PCDHGB4: variants seen among roughly 807,000 people sequenced by gnomAD.
PCDHGB4 encodes the protein protocadherin gamma subfamily B, 4, also known as protocadherin gamma-B4.
In PCDHGB4, 38 loss-of-function variants were observed where a neutral mutation model predicts 60.5. The ratio of observed to expected loss-of-function variants is 0.63; its 90% CI spans 0.48 to 0.82. The LOEUF (loss-of-function observed/expected upper bound fraction) is 0.82, where lower values mean the gene tolerates loss of function less well. Ranked by LOEUF, PCDHGB4 falls within the 40% of genes least tolerant of loss-of-function variation. The pLI, the probability that PCDHGB4 is intolerant of heterozygous loss-of-function variation, is 0.00. For missense variants in PCDHGB4, 1,109 were observed against 1,209.6 expected (o/e 0.92, Z 1.23); for synonymous variants, 456 against 509.7 (o/e 0.89, Z 1.42).
At position 141,505,504 on chromosome 5, in the gene PCDHGB4, T is replaced by C. The variant is rs756583857; in HGVS notation, c.2545+23T>C. The C allele has an allele frequency of 9.3e-6, 15 of 1,614,020 alleles. No individual in the cohort carries two copies. The African/African-American group carries it at 1.2e-4, about 13-fold the overall frequency. ...GTGGTAAGTGGTGTCAGTGTGTGTA[T>C]GGAAGAGTGGGAGACCTGGGGTTCT... On this transcript the variant is annotated intron_variant, in intron 3 of 3. Transcript: ENST00000519479.
intron 1 of PCDHGB4, chr5:141,393,857 C>G (rs753457502): frequency 6.8e-6 from 11 of 1,613,978 alleles, no homozygotes; most frequent in Non-Finnish European, 9.3e-6. Flanking sequence ...CAGAAGTGAT[C>G]ATTACGTCTT....
intron 1 of PCDHGB4, among the ~76,000 whole-genome samples, chr5:141,443,560 G>A (rs2098394386): frequency 6.6e-6 from 1 of 152,162 alleles, no homozygotes; most frequent in Non-Finnish European, 1.5e-5. Context: ...CAATTCAAAT[G>A]CTTTAAATGG....
rs60063068 is a variant in PCDHGB4, at chr5:141,477,262, C to T, written c.2398-17545C>T. The T allele has an allele frequency of 1.9e-4, 313 of 1,614,138 alleles. No individual in the cohort carries two copies. In the African/African-American group the frequency reaches 3.7e-3, roughly 19 times the overall value. On this transcript the variant is annotated intron_variant, in intron 1 of 3. Coordinates refer to ENST00000519479, the MANE Select transcript of PCDHGB4 (RefSeq NM_003736.4). This position sits in a 1 kb window ranked among gnomAD's most constrained non-coding sequence, Gnocchi z 4.9. ...TCAGTGTGACTGACCTGGATGCTGG[C>T]GAGAACGGGCTGGTGACCTGCGAAG...
chr5:141,419,870 G>C, intron 1 of PCDHGB4: 1 of 1,614,054 alleles, frequency 6.2e-7, no homozygotes, highest in Non-Finnish European at 8.5e-7. Context: ...CTTGCAAGAG[G>C]TACTGCCGGA....
At position 141,393,626 on chromosome 5, in the gene PCDHGB4, G is replaced by C. The variant is rs2092811511; in HGVS notation, c.2397+3345G>C. ...CTGTAACAGCCAGCGACCCGGATGA[G>C]GGAATCAACGGAAAAGTGGCATACA... On this transcript the variant is annotated intron_variant, in intron 1 of 3. Coordinates refer to ENST00000519479, the MANE Select transcript of PCDHGB4 (RefSeq NM_003736.4). 10 of 1,613,922 alleles carry C rather than the reference G, an allele frequency of 6.2e-6. No individual in the cohort carries two copies. The highest frequency in any genetic ancestry group is 8.5e-6 in the Non-Finnish European group (10 of 1,179,904).
chr5:141,495,107 A>G (rs559621284), intron 2 of PCDHGB4, among the ~76,000 whole-genome samples: 1 of 152,166 alleles, frequency 6.6e-6, no homozygotes, highest in East Asian at 1.9e-4. Flanking sequence ...CACGACCGGC[A>G]CCTTTTCCTA....
chr5:141,502,524 C>T (rs959562458), intron 2 of PCDHGB4, among the ~76,000 whole-genome samples: 3 of 151,910 alleles, frequency 2.0e-5, no homozygotes, highest in East Asian at 1.9e-4. Flanking sequence ...TCAGTGATGC[C>T]GAGTTTGTTC....
chr5:141,438,811 G>T (rs2098067148), intron 1 of PCDHGB4, among the ~76,000 whole-genome samples: 1 of 149,790 alleles, frequency 6.7e-6, no homozygotes, highest in East Asian at 2.0e-4. Context: ...ACAGGCGCCT[G>T]TCACCATGCC....
rs758578821 is a variant in PCDHGB4 at position 141,486,659 on chromosome 5, G to C, written c.2398-8148G>C. The C allele has an allele frequency of 6.8e-6, 11 of 1,613,944 alleles. No individual in the cohort carries two copies. The highest frequency in any genetic ancestry group is 8.5e-6 in the Non-Finnish European group (10 of 1,180,026). On this transcript the variant is annotated intron_variant, in intron 1 of 3. Coordinates refer to ENST00000519479, the MANE Select transcript of PCDHGB4 (RefSeq NM_003736.4). The surrounding 1 kb of genome is among the most constrained non-coding windows in gnomAD (Gnocchi z 5.0). ...TGCGCTTATCTCCTACTCACTCCTGGAGCCCAGGAATCGAGATGTATCAGC... is the reference window on the plus strand; with the variant it reads ...TGCGCTTATCTCCTACTCACTCCTGCAGCCCAGGAATCGAGATGTATCAGC...
intron 1 of PCDHGB4, chr5:141,399,842 A>T (rs749737928): frequency 6.2e-7 from 1 of 1,612,970 alleles, no homozygotes; most frequent in South Asian, 1.1e-5. Context: ...GCGCTCTTCG[A>T]TATGGTGCCG....
In PCDHGB4 at chr5:141,494,849, A is replaced by C; in HGVS notation, c.2440A>C (p.Arg814=). ...NTDWRFSQAQ[R]PGTSGSQNGD... ...GGACTGGCGTTTCTCTCAGGCCCAG[A>C]GACCCGGCACCAGCGGGTAGGTGAC... Residue 814 remains arginine, a synonymous_variant, in exon 2 of 4, where the codon AGA becomes CGA. Transcript: ENST00000519479. 1 of 1,614,102 alleles carries C rather than the reference A, an allele frequency of 6.2e-7. No individual in the cohort carries two copies. Among genetic ancestry groups the C allele is most frequent in the Non-Finnish European group, 8.5e-7 (1 of 1,180,014 alleles).
At chr5:141,473,039 A>G (rs1593411714) in intron 1 of PCDHGB4, among the ~76,000 whole-genome samples, 1 of 152,016 alleles carries the variant, frequency 6.6e-6, no homozygotes, top group East Asian at 1.9e-4. Context: ...GGAAGGAAAG[A>G]AAGAAAGAAG....
At chr5:141,435,503 A>G (rs2097767522) in intron 1 of PCDHGB4, among the ~76,000 whole-genome samples, 1 of 152,170 alleles carries the variant, frequency 6.6e-6, no homozygotes, top group Non-Finnish European at 1.5e-5. Context: ...TACACTAATG[A>G]TACTAATGAT....
chr5:141,490,948 G>T lies in PCDHGB4; in HGVS notation c.2398-3859G>T. 1 of 1,613,756 alleles carries T rather than the reference G, an allele frequency of 6.2e-7. No homozygotes were observed. The highest frequency in any genetic ancestry group is 8.5e-7 in the Non-Finnish European group (1 of 1,179,810). On this transcript the variant is annotated intron_variant, in intron 1 of 3. Coordinates refer to ENST00000519479, the MANE Select transcript of PCDHGB4 (RefSeq NM_003736.4). The surrounding 1 kb of genome is among the most constrained non-coding windows in gnomAD (Gnocchi z 5.4). The stretch of plus-strand genomic sequence containing the variant: ...CCCAGCTGTGCTGCACCCACGGCCA[G>T]ACTGGGAACACTCAGCCCCCCAGCG...
chr5:141,408,287 C>G (rs2095075582), intron 1 of PCDHGB4: 1 of 1,613,354 alleles, frequency 6.2e-7, no homozygotes, highest in African/African-American at 1.3e-5. Flanking sequence ...CTACCCCACC[C>G]TGAGTGAGCC....
chr5:141,495,424 A>C (rs927637242), intron 2 of PCDHGB4, among the ~76,000 whole-genome samples: 1 of 152,088 alleles, frequency 6.6e-6, no homozygotes, highest in African/African-American at 2.4e-5. Context: ...CCCTCCTCCC[A>C]CTGTCCTCTG....
At chr5:141,404,841 G>C (rs765291212) in intron 1 of PCDHGB4, 4 of 1,613,886 alleles carry the variant, frequency 2.5e-6, no homozygotes, top group African/African-American at 1.3e-5. Context: ...CGCACAGCTC[G>C]GGCCCTGCTA....
intron 1 of PCDHGB4, among the ~76,000 whole-genome samples, chr5:141,435,743 G>T (rs3805699): frequency 0.11 from 17,212 of 152,168 alleles, 1,160 homozygotes; most frequent in African/African-American, 0.18. Context: ...TCTTTGAAAA[G>T]CATTGCTTGA....
chr5:141,505,155 C>T (rs2099844224), intron 2 of PCDHGB4, among the ~76,000 whole-genome samples: 1 of 152,162 alleles, frequency 6.6e-6, no homozygotes, highest in Non-Finnish European at 1.5e-5. Context: ...GAGTAAGACC[C>T]TGTCTAAAAC....
Sources: allele counts gnomAD v4.1 joint callset (sites outside exome capture counted in the v4.1 genomes callset), GRCh38; gene constraint gnomAD v4.1.1; non-coding constraint Gnocchi (gnomAD v3.1); transcripts MANE v1.5; gene names NCBI Gene and HGNC (gene_info 2026-07-23, HGNC 2026-07-21).